The following PRELID2 variants were observed in gnomAD, a reference collection of about 807,000 sequenced individuals.
PRELID2 encodes the protein PRELI domain-containing protein 2.
PRELID2 carries 25 observed loss-of-function variants against 28.4 expected under a neutral mutation model. The observed-to-expected ratio is 0.88, with a 90% CI of 0.64 to 1.23. The LOEUF (loss-of-function observed/expected upper bound fraction) is 1.23, where lower values mean the gene tolerates loss of function less well. Ranked by LOEUF, PRELID2 falls within the 50% of genes most tolerant of loss-of-function variation. The pLI is 0.00. For synonymous variants in PRELID2, 76 were observed against 71.6 expected (o/e 1.06, Z -0.31); for missense variants, 201 against 214.4 (o/e 0.94, Z 0.39).
the PRELID2 span, among the ~76,000 whole-genome samples, chr5:145,374,263 A>C: frequency 6.6e-6 from 1 of 152,076 alleles, no homozygotes; most frequent in Non-Finnish European, 1.5e-5. Flanking sequence ...GCTGGATGTG[A>C]AATTCTGGGT....
At chr5:145,247,733 G>A in the PRELID2 span, among the ~76,000 whole-genome samples, 1 of 152,082 alleles carries the variant, frequency 6.6e-6, no homozygotes, top group African/African-American at 2.4e-5. Flanking sequence ...AGATAAAGCT[G>A]TCCCCCAAAC....
In PRELID2 at chr5:145,817,996, C is replaced by T. The variant is rs759818514; in HGVS notation, c.266G>A (p.Arg89Gln). 19 of 1,612,486 alleles carry T rather than the reference C, an allele frequency of 1.2e-5. No individual in the cohort carries two copies. Among genetic ancestry groups the T allele is most frequent in the African/African-American group, 8.0e-5 (6 of 74,726 alleles). ...QLEEESWLNP[R>Q]ERNMAIRSHC... ...ACTCCGTATGGCCATGTTTCTTTCC[C>T]GAGGATTGAGCCATGACTCCTCTTC... The change falls in exon 4 of 7, where the codon CGG becomes CAG. Residue 89 changes from arginine (R) to glutamine (Q), a missense_variant. Coordinates refer to ENST00000683046, the MANE Select transcript of PRELID2 (RefSeq NM_205846.3).
chr5:145,229,882 G>T, the PRELID2 span: 1 of 751,868 alleles, frequency 1.3e-6, no homozygotes, highest in Admixed American at 1.8e-5. Context: ...GTCCTCAAGG[G>T]CCAGGTGTAC....
the PRELID2 span, among the ~76,000 whole-genome samples, chr5:145,316,382 A>C: frequency 3.3e-5 from 5 of 152,340 alleles, no homozygotes; most frequent in African/African-American, 1.2e-4. Context: ...CCTCATTCAC[A>C]TAAATGAAAA....
intron 1 of PRELID2, among the ~76,000 whole-genome samples, chr5:145,581,365 T>C (rs1179716063): frequency 6.6e-6 from 1 of 152,234 alleles, no homozygotes; most frequent in East Asian, 1.9e-4. Context: ...GCTTTCCTAC[T>C]GTCTGGCACA....
intron 5 of PRELID2, among the ~76,000 whole-genome samples, chr5:145,781,719 C>CTA (rs916043879): frequency 1.2e-4 from 17 of 144,506 alleles, no homozygotes; most frequent in Middle Eastern, 7.4e-3. Context: ...TACACACACA[C>CTA]TATATATATA....
chr5:145,396,636 A>G, the PRELID2 span, among the ~76,000 whole-genome samples: 1 of 152,138 alleles, frequency 6.6e-6, no homozygotes, highest in Admixed American at 6.6e-5. Flanking sequence ...CTTAAACCTT[A>G]ATAGATAAAA....
intron 1 of PRELID2, among the ~76,000 whole-genome samples, chr5:145,824,469 T>TGTGTGTGTGTGTGTGTGA (rs1554100823): frequency 6.9e-6 from 1 of 144,102 alleles, no homozygotes; most frequent in Non-Finnish European, 1.5e-5. Context: ...TGTGTGATAT[T>TGTGTGTGTGTGTGTGTGA]GATTTATTAA....
At chr5:145,653,605 C>T (rs539197924) in intron 1 of PRELID2, among the ~76,000 whole-genome samples, 70 of 152,246 alleles carry the variant, frequency 4.6e-4, no homozygotes, top group Non-Finnish European at 9.4e-4. Flanking sequence ...TCACTCAAAA[C>T]CACTCAACTA....
chr5:145,734,290 G>T (rs1417948344), intron 1 of PRELID2, among the ~76,000 whole-genome samples: 4 of 152,014 alleles, frequency 2.6e-5, no homozygotes, highest in Admixed American at 6.6e-5. Context: ...TCAAAAACTT[G>T]ATTTTAGTCC....
At chr5:145,777,407 C>T (rs1172916502) in intron 5 of PRELID2, among the ~76,000 whole-genome samples, 4 of 152,150 alleles carry the variant, frequency 2.6e-5, no homozygotes, top group African/African-American at 9.7e-5. Context: ...AGCCAGGCAG[C>T]CTAGTAATTA....
intron 1 of PRELID2, among the ~76,000 whole-genome samples, chr5:145,502,301 T>A (rs1391472084): frequency 6.6e-6 from 1 of 152,068 alleles, no homozygotes; most frequent in Non-Finnish European, 1.5e-5. Context: ...TCACTCCCTA[T>A]CATGAGAACA....
At chr5:145,678,096 A>G (rs1754856289) in intron 1 of PRELID2, among the ~76,000 whole-genome samples, 1 of 152,360 alleles carries the variant, frequency 6.6e-6, no homozygotes, top group Non-Finnish European at 1.5e-5. Context: ...AAAGAGGACT[A>G]ATGAAACTAT....
At chr5:145,404,992 T>C in the PRELID2 span, among the ~76,000 whole-genome samples, 1 of 152,098 alleles carries the variant, frequency 6.6e-6, no homozygotes, top group Non-Finnish European at 1.5e-5. Context: ...CATATTTTCA[T>C]GGTTTTAAAC....
intron 4 of PRELID2, among the ~76,000 whole-genome samples, chr5:145,801,439 T>C (rs1753135009): frequency 6.6e-6 from 1 of 152,166 alleles, no homozygotes; most frequent in Non-Finnish European, 1.5e-5. Flanking sequence ...GACTCAAGTT[T>C]TCCTTCACCT....
chr5:145,707,383 G>A (rs537248355), intron 1 of PRELID2, among the ~76,000 whole-genome samples: 19 of 152,258 alleles, frequency 1.2e-4, no homozygotes, highest in South Asian at 1.0e-3. Context: ...ATCTGAGTGC[G>A]CCAGTAATGT....
chr5:145,724,749 A>T (rs887701961), intron 1 of PRELID2, among the ~76,000 whole-genome samples: 1 of 127,194 alleles, frequency 7.9e-6, no homozygotes, highest in African/African-American at 3.1e-5. Flanking sequence ...AATATTATAT[A>T]TTATATATAT....
At chr5:145,531,603 C>A (rs573565007) in intron 1 of PRELID2, among the ~76,000 whole-genome samples, 1 of 152,130 alleles carries the variant, frequency 6.6e-6, no homozygotes, top group African/African-American at 2.4e-5. Context: ...CTGGAAGGCC[C>A]ATTGCTCGTT....
chr5:145,401,549 C>G, the PRELID2 span, among the ~76,000 whole-genome samples: 96 of 152,028 alleles, frequency 6.3e-4, no homozygotes, highest in African/African-American at 2.3e-3. Context: ...GTAACAAGCT[C>G]ACCTCTTTCC....
Sources: gnomAD v4.1 joint callset for allele counts (sites outside exome capture counted in the v4.1 genomes callset) on GRCh38, gnomAD v4.1.1 for gene constraint, MANE v1.5 for transcripts, NCBI Gene and HGNC (gene_info 2026-07-23, HGNC 2026-07-21) for gene names.